Variants in SLC9B1 observed in about 807,000 individuals in gnomAD.
SLC9B1 encodes the protein solute carrier family 9 member B1, also known as sodium/hydrogen exchanger 9B1.
Under a neutral mutation model 51.7 loss-of-function variants are expected in SLC9B1, and 32 were observed. The ratio of observed to expected loss-of-function variants is 0.62; its 90% CI spans 0.47 to 0.83. SLC9B1 has a LOEUF of 0.83. Among genes scored for constraint, SLC9B1 ranks in the 40% least tolerant of loss-of-function variants. SLC9B1 has a pLI of 0.00. For missense variants in SLC9B1, 406 were observed against 613.2 expected (o/e 0.66, Z 3.57); for synonymous variants, 145 against 212.7 (o/e 0.68, Z 2.77).
intron 11 of SLC9B1, chr4:102,890,756 C>G (rs1003696537): frequency 1.4e-5 from 2 of 145,086 alleles, no homozygotes; most frequent in African/African-American, 5.2e-5. Context: ...ACAAGAATCT[C>G]TTGAGTTGAG....
intron 7 of SLC9B1, among the ~76,000 whole-genome samples, chr4:102,926,381 T>A (rs973297637): frequency 9.2e-5 from 14 of 152,288 alleles, no homozygotes; most frequent in Non-Finnish European, 1.8e-4. Context: ...CTTAAGCTGA[T>A]AAGCAACTTC....
chr4:103,010,892 T>C (rs1741055458), intron 1 of SLC9B1, among the ~76,000 whole-genome samples: 1 of 152,192 alleles, frequency 6.6e-6, no homozygotes, highest in Admixed American at 6.5e-5. Context: ...ATTCAAACCA[T>C]AGCATTTTGC....
intron 7 of SLC9B1, among the ~76,000 whole-genome samples, chr4:102,922,901 G>C (rs1290595318): frequency 6.6e-6 from 1 of 152,096 alleles, no homozygotes; most frequent in Non-Finnish European, 1.5e-5. Flanking sequence ...CTCTGAAATT[G>C]AGGCAATAAT....
chr4:102,966,816 C>T (rs545509872), intron 3 of SLC9B1, among the ~76,000 whole-genome samples: 2 of 152,208 alleles, frequency 1.3e-5, no homozygotes, highest in Non-Finnish European at 2.9e-5. Context: ...CTCTTTCATT[C>T]TCTACCACAT....
intron 11 of SLC9B1, among the ~76,000 whole-genome samples, chr4:102,886,616 CTTTA>C (rs1274806942): frequency 1.6e-4 from 24 of 151,994 alleles, no homozygotes; most frequent in African/African-American, 4.6e-4. Flanking sequence ...TTTATTTATT[CTTTA>C]TTTATTTTTG....
At chr4:102,886,638 CAG>C (rs1733935188) in intron 11 of SLC9B1, among the ~76,000 whole-genome samples, 1 of 151,846 alleles carries the variant, frequency 6.6e-6, no homozygotes, top group Non-Finnish European at 1.5e-5. Flanking sequence ...TTGCGGGGGA[CAG>C]AGTCTTGCTC....
intron 3 of SLC9B1, among the ~76,000 whole-genome samples, chr4:102,987,875 C>G (rs936661211): frequency 6.6e-6 from 1 of 152,072 alleles, no homozygotes; most frequent in Non-Finnish European, 1.5e-5. Context: ...TTTTGGGCAG[C>G]AGTTTGCCCT....
chr4:102,954,497 A>C (rs570112432), intron 3 of SLC9B1, among the ~76,000 whole-genome samples: 172 of 148,722 alleles, frequency 1.2e-3, no homozygotes, highest in Non-Finnish European at 1.9e-3. Flanking sequence ...AAAAGAGATT[A>C]ATCATAATCG....
At chr4:102,910,733 C>G (rs1372303625) in intron 8 of SLC9B1, 145 bp from the exon 9 acceptor site, 1 of 391,810 alleles carries the variant, frequency 2.6e-6, no homozygotes, top group Non-Finnish European at 4.1e-6. Flanking sequence ...TTCTTTCTCA[C>G]CATATATTTT....
At chr4:102,933,266 C>A (rs1447737632) in intron 6 of SLC9B1, among the ~76,000 whole-genome samples, 1 of 152,182 alleles carries the variant, frequency 6.6e-6, no homozygotes, top group African/African-American at 2.4e-5. Context: ...TCCCTCCAGA[C>A]AGCATCTGCC....
At chr4:102,962,976 T>C (rs1738219422) in intron 3 of SLC9B1, 5 of 461,570 alleles carry the variant, frequency 1.1e-5, no homozygotes, top group Non-Finnish European at 2.2e-5. Context: ...ATCTTGAATG[T>C]TGTTGATGAA....
intron 3 of SLC9B1, among the ~76,000 whole-genome samples, chr4:102,978,330 TA>T (rs1316104903): frequency 6.6e-6 from 1 of 152,098 alleles, no homozygotes; most frequent in Non-Finnish European, 1.5e-5. Context: ...CTAATTAAAC[TA>T]AAAAGCTTCT....
chr4:102,925,458 G>T (rs1446978123), intron 7 of SLC9B1, among the ~76,000 whole-genome samples: 1 of 151,966 alleles, frequency 6.6e-6, no homozygotes, highest in Non-Finnish European at 1.5e-5. Flanking sequence ...TGTAAATGAC[G>T]AGTTAATGGG....
At chr4:102,959,857 TTAAAAA>T (rs535917000) in intron 3 of SLC9B1, among the ~76,000 whole-genome samples, 319 of 152,232 alleles carry the variant, frequency 2.1e-3, no homozygotes, top group African/African-American at 7.0e-3. Context: ...AAATAGGAAA[TTAAAAA>T]CAAAAACAAT....
intron 3 of SLC9B1, among the ~76,000 whole-genome samples, chr4:102,981,846 T>A (rs1427206662): frequency 6.6e-6 from 1 of 152,182 alleles, no homozygotes; most frequent in African/African-American, 2.4e-5. Context: ...GAGCATAGAT[T>A]TTTTTCCCTT....
chr4:102,963,047 G>T, intron 3 of SLC9B1: 1 of 447,864 alleles, frequency 2.2e-6, no homozygotes, highest in Non-Finnish European at 4.5e-6. Context: ...CTTTCAAGGG[G>T]TTTGACCATA....
chr4:102,965,755 T>C (rs1052188953), intron 3 of SLC9B1, among the ~76,000 whole-genome samples: 6 of 151,162 alleles, frequency 4.0e-5, no homozygotes, highest in African/African-American at 1.5e-4. Context: ...TCAAGGCAAG[T>C]TCCTCCTAGC....
At chr4:102,909,753 A>G (rs1735246627) in intron 9 of SLC9B1, among the ~76,000 whole-genome samples, 2 of 152,286 alleles carry the variant, frequency 1.3e-5, no homozygotes, top group Non-Finnish European at 2.9e-5. Flanking sequence ...GAATAAAGAA[A>G]TCTTTTACAT....
chr4:102,958,213 G>A (rs1737905175), intron 3 of SLC9B1, among the ~76,000 whole-genome samples: 1 of 152,138 alleles, frequency 6.6e-6, no homozygotes, highest in African/African-American at 2.4e-5. Context: ...CCATCCTCTT[G>A]GTGCTGTCCT....
Sources: allele counts gnomAD v4.1 joint callset (sites outside exome capture counted in the v4.1 genomes callset), GRCh38; gene constraint gnomAD v4.1.1; transcripts MANE v1.5; gene names NCBI Gene and HGNC (gene_info 2026-07-23, HGNC 2026-07-21).